The following CNGA1 variants were observed in gnomAD, a reference collection of about 807,000 sequenced individuals.
CNGA1 encodes cyclic nucleotide-gated channel alpha-1.
In CNGA1, 53 loss-of-function variants were observed where a neutral mutation model predicts 69.7. That is an observed-to-expected ratio of 0.76 (90% confidence interval 0.61 to 0.96). CNGA1 has a LOEUF of 0.96. CNGA1 is among the 40% of genes least tolerant of loss of function. The probability of loss-of-function intolerance (pLI) is 0.00; values close to 1 mark genes in which losing one functional copy is unlikely to be tolerated. For synonymous variants in CNGA1, 249 were observed against 283.5 expected (o/e 0.88, Z 1.22); for missense variants, 739 against 811.2 (o/e 0.91, Z 1.08).
At chr4:47,980,408 C>T (rs776229556) in intron 3 of CNGA1, among the ~76,000 whole-genome samples, 26 of 151,236 alleles carry the variant, frequency 1.7e-4, no homozygotes, top group Middle Eastern at 3.4e-3. Context: ...GAATGCAGTA[C>T]GCATTTTTTA....
In CNGA1 at chr4:48,016,553, C is replaced by T. The variant is rs1284646612; in HGVS notation, c.-293G>A. On this transcript the variant is annotated 5_prime_UTR_variant, in exon 1 of 11. Transcript: ENST00000514170. ...GTGTCTGTGTTTCTCTAGTTCGCGGCTCCAGCAGTCGCGCCAAGGGGCAGC... is the reference window on the plus strand; with the variant it reads ...GTGTCTGTGTTTCTCTAGTTCGCGGTTCCAGCAGTCGCGCCAAGGGGCAGC... 6.3e-6 allele frequency: 3 copies of T among 478,386 alleles called. No individual in the cohort carries two copies. Among genetic ancestry groups the T allele is most frequent in the Non-Finnish European group, 1.1e-5 (3 of 273,060 alleles). The allele number at this position is 478,386 out of a possible 1,614,324, so 29.6% of individuals were successfully genotyped here. A position where few individuals can be genotyped will look rare whatever the true frequency, so the allele number is the denominator to read the frequency against.
intron 3 of CNGA1, chr4:47,971,168 TTGTG>T (rs34771990): frequency 0.13 from 49,917 of 382,874 alleles, 2,644 homozygotes; most frequent in East Asian, 0.31. Flanking sequence ...ATATCTATAT[TTGTG>T]TGTGTGTGTG....
At chr4:47,994,897 T>G (rs566077005) in intron 2 of CNGA1, among the ~76,000 whole-genome samples, 2 of 152,170 alleles carry the variant, frequency 1.3e-5, no homozygotes, top group Admixed American at 6.5e-5. Context: ...TTTCAGCTTT[T>G]GTTTATCTGA....
At chr4:47,995,160 A>C (rs1465800540) in intron 2 of CNGA1, among the ~76,000 whole-genome samples, 2 of 147,568 alleles carry the variant, frequency 1.4e-5, no homozygotes, top group Non-Finnish European at 3.0e-5. Flanking sequence ...TGCCTAGGTG[A>C]TGATCTTTTT....
At chr4:47,986,749 A>G (rs910537051) in intron 2 of CNGA1, among the ~76,000 whole-genome samples, 11 of 152,170 alleles carry the variant, frequency 7.2e-5, no homozygotes, top group Admixed American at 5.9e-4. Flanking sequence ...AAAAATAAAA[A>G]AAAGAGAGAG....
At chr4:47,987,646 G>T (rs112618653) in intron 2 of CNGA1, among the ~76,000 whole-genome samples, 3,720 of 151,418 alleles carry the variant, frequency 0.025, 141 homozygotes, top group African/African-American at 0.085. Context: ...ACTCTAATAA[G>T]ATGGGAAAGA....
chr4:47,969,783 T>TA (rs1740920274), intron 3 of CNGA1, among the ~76,000 whole-genome samples: 1 of 152,118 alleles, frequency 6.6e-6, no homozygotes, highest in Non-Finnish European at 1.5e-5. Context: ...ACTAAGATTT[T>TA]AAAAAAACTG....
chr4:47,998,159 A>T (rs1714476870), intron 2 of CNGA1, among the ~76,000 whole-genome samples: 1 of 152,222 alleles, frequency 6.6e-6, no homozygotes, highest in Middle Eastern at 3.2e-3. Context: ...GAGAAAAATA[A>T]ACCAAGCACA....
chr4:47,978,885 T>C (rs1741553097), intron 3 of CNGA1, among the ~76,000 whole-genome samples: 1 of 152,232 alleles, frequency 6.6e-6, no homozygotes, highest in Non-Finnish European at 1.5e-5. Flanking sequence ...ATTTAATCAA[T>C]TACCTTTTTA....
intron 1 of CNGA1, among the ~76,000 whole-genome samples, chr4:48,011,639 G>A (rs917881167): frequency 6.6e-6 from 1 of 152,210 alleles, no homozygotes; most frequent in Non-Finnish European, 1.5e-5. Context: ...GGTGGTCAGG[G>A]TGAGGCTTGG....
At chr4:47,941,473 G>C (rs1739072098) in intron 9 of CNGA1, among the ~76,000 whole-genome samples, 3 of 152,178 alleles carry the variant, frequency 2.0e-5, no homozygotes, top group African/African-American at 7.2e-5. Context: ...CCATCTAAAA[G>C]ACATTAAATC....
chr4:48,010,403 T>C (rs1468930537), intron 2 of CNGA1, among the ~76,000 whole-genome samples: 1 of 152,186 alleles, frequency 6.6e-6, no homozygotes, highest in Non-Finnish European at 1.5e-5. Flanking sequence ...CAAAGACATT[T>C]CTAAGTGCCT....
At chr4:47,956,438 T>C (rs1391208143) in intron 3 of CNGA1, among the ~76,000 whole-genome samples, 1 of 152,190 alleles carries the variant, frequency 6.6e-6, no homozygotes, top group Non-Finnish European at 1.5e-5. Context: ...CACTGCCCAC[T>C]TTCAGGTTAC....
intron 3 of CNGA1, among the ~76,000 whole-genome samples, chr4:47,961,558 C>T (rs1016422886): frequency 1.3e-5 from 2 of 152,122 alleles, no homozygotes; most frequent in African/African-American, 2.4e-5. Flanking sequence ...GCCTGGGCAA[C>T]ATAGTGAGAT....
intron 1 of CNGA1, 38 bp downstream of exon 1, chr4:48,016,445 T>A: frequency 4.3e-6 from 1 of 232,248 alleles, no homozygotes; most frequent in Non-Finnish European, 8.3e-6. Context: ...GAAGGGGGCC[T>A]CAGTGCAGCC....
rs1445242447 is a variant in CNGA1 at position 48,016,631 on chromosome 4, G to A, written c.-371C>T. 9.1e-6 allele frequency: 5 copies of A among 546,582 alleles called. No individual in the cohort carries two copies. Among genetic ancestry groups the A allele is most frequent in the Non-Finnish European group, 1.6e-5 (5 of 314,590 alleles). The allele number at this position is 546,582 out of a possible 1,614,324, so 33.9% of individuals were successfully genotyped here. A position where few individuals can be genotyped will look rare whatever the true frequency, so the allele number is the denominator to read the frequency against. On this transcript the variant is annotated 5_prime_UTR_variant, in exon 1 of 11. Coordinates refer to ENST00000514170, the MANE Select transcript of CNGA1 (RefSeq NM_001379270.1). Reference sequence around the variant, plus strand: ...TCACAGGCCGCTCCCAGGCCTGCGGGGGCCCTGAGAATTCGCAACAAGCCC... The same window carrying A: ...TCACAGGCCGCTCCCAGGCCTGCGGAGGCCCTGAGAATTCGCAACAAGCCC...
intron 3 of CNGA1, among the ~76,000 whole-genome samples, chr4:47,976,214 CACAT>C (rs1741368519): frequency 1.5e-5 from 1 of 67,856 alleles, no homozygotes; most frequent in Admixed American, 1.9e-4. Context: ...TATATATATA[CACAT>C]ACATATATAT....
chr4:48,002,982 A>G (rs1316866468), intron 2 of CNGA1, among the ~76,000 whole-genome samples: 1 of 152,138 alleles, frequency 6.6e-6, no homozygotes, highest in Non-Finnish European at 1.5e-5. Flanking sequence ...GGTCCTGTGA[A>G]CCCTGAAAAT....
intron 2 of CNGA1, among the ~76,000 whole-genome samples, chr4:48,003,773 T>A (rs1437084850): frequency 1.3e-5 from 2 of 152,138 alleles, no homozygotes; most frequent in African/African-American, 4.8e-5. Context: ...ACCAGAGGGC[T>A]CCTTGGTCTA....
Sources: allele counts gnomAD v4.1 joint callset (sites outside exome capture counted in the v4.1 genomes callset), GRCh38; gene constraint gnomAD v4.1.1; transcripts MANE v1.5; gene names NCBI Gene and HGNC (gene_info 2026-07-23, HGNC 2026-07-21).